MTAP: variants seen among roughly 807,000 people sequenced by gnomAD.
MTAP encodes the protein methylthioadenosine phosphorylase.
MTAP carries 33 observed loss-of-function variants against 33.6 expected under a neutral mutation model. That is an observed-to-expected ratio of 0.98 (90% confidence interval 0.74 to 1.31). The LOEUF is 1.31. MTAP is among the 40% of genes most tolerant of loss of function. The pLI, the probability that MTAP is intolerant of heterozygous loss-of-function variation, is 0.00. For synonymous variants in MTAP, 148 were observed against 125.7 expected (o/e 1.18, Z -1.19); for missense variants, 367 against 360.0 (o/e 1.02, Z -0.16).
rs769730832 is a variant in MTAP at position 21,899,921 on chromosome 9, C to G, written c.148-31087C>G. 3.2e-4 allele frequency among the ~76,000 whole-genome samples: 48 copies of G among 152,062 alleles called. 1 individual carries two copies. Among genetic ancestry groups the G allele is most frequent in the Admixed American group, 7.2e-4 (11 of 15,254 alleles). On this transcript the variant is annotated intron_variant, in intron 1 of 1. Coordinates refer to the MTAP transcript ENST00000577563. ...CTTTGACAAAGTTGACAAAAACAAGCAATGGGGAAAGGACTCCCTATTCAA... is the reference window on the plus strand; with the variant it reads ...CTTTGACAAAGTTGACAAAAACAAGGAATGGGGAAAGGACTCCCTATTCAA...
intron 1 of MTAP, chr9:21,930,956 C>G: frequency 1.4e-6 from 1 of 717,596 alleles, no homozygotes; most frequent in Admixed American, 1.9e-5. Context: ...CCTTTCAGTC[C>G]ATGTCTTCAA....
At chr9:21,802,835 C>A (rs1196571420) in intron 1 of MTAP, 54 bp downstream of exon 1, 2 of 1,605,894 alleles carry the variant, frequency 1.2e-6, no homozygotes, top group Admixed American at 1.7e-5. Context: ...GCCTTCTCGC[C>A]CCCGCGCCGG....
intron 1 of MTAP, among the ~76,000 whole-genome samples, chr9:21,876,174 T>C (rs1353503391): frequency 6.6e-6 from 1 of 152,242 alleles, no homozygotes; most frequent in African/African-American, 2.4e-5. Flanking sequence ...ATGTCTTCTT[T>C]AGAAAAGTGC....
chr9:21,887,877 G>A (rs913400660), intron 1 of MTAP, among the ~76,000 whole-genome samples: 1 of 152,034 alleles, frequency 6.6e-6, no homozygotes, highest in African/African-American at 2.4e-5. Context: ...GTTTTGTGTG[G>A]GGGGGTTGCA....
rs999293435 is a variant in MTAP, at chr9:21,862,232, CAT to C, written c.*219_*220del. On this transcript the variant is annotated 3_prime_UTR_variant, in exon 8 of 8. Transcript: ENST00000644715. ...AGAAGAAAAGCAAATGACTAGTAAA[CAT>C]GTGGGAAAAAATATTACATTTTAAG... The C allele has an allele frequency of 6.8e-5, 80 of 1,181,776 alleles. No individual in the cohort carries two copies. The highest frequency in any genetic ancestry group is 1.6e-4 in the African/African-American group (10 of 62,970). 73.2% of individuals were successfully genotyped at this position (1,181,776 alleles called of 1,614,324 possible).
At chr9:21,908,221 T>C (rs1291907372) in intron 1 of MTAP, among the ~76,000 whole-genome samples, 1 of 152,192 alleles carries the variant, frequency 6.6e-6, no homozygotes, top group Non-Finnish European at 1.5e-5. Context: ...TCATACAGTA[T>C]GTAACATTTT....
At chr9:21,807,993 G>T (rs1246373683) in intron 1 of MTAP, among the ~76,000 whole-genome samples, 1 of 152,204 alleles carries the variant, frequency 6.6e-6, no homozygotes, top group East Asian at 1.9e-4. Flanking sequence ...TGCCTCAAAA[G>T]CATCTAAAGC....
intron 7 of MTAP, 61 bp downstream of exon 7, chr9:21,859,486 A>C: frequency 6.6e-7 from 1 of 1,522,668 alleles, no homozygotes; most frequent in Non-Finnish European, 8.8e-7. Context: ...TTCTTTTCTT[A>C]CTTGCATTTC....
chr9:21,874,300 A>G (rs1278526912), intron 1 of MTAP, among the ~76,000 whole-genome samples: 1 of 152,224 alleles, frequency 6.6e-6, no homozygotes, highest in Non-Finnish European at 1.5e-5. Context: ...GATTTCATCT[A>G]TGAATATTTC....
At chr9:21,805,167 A>T (rs1408690734) in intron 1 of MTAP, among the ~76,000 whole-genome samples, 2 of 151,312 alleles carry the variant, frequency 1.3e-5, no homozygotes, top group Non-Finnish European at 2.9e-5. Context: ...TACTCCTTTA[A>T]TGTCAGCCCA....
chr9:21,865,341 C>T lies in MTAP; in HGVS notation c.*3327C>T, dbSNP rs141238345. ...GCCACGATTGTAAGTTTCCTGAGGC[C>T]TTCCCAGCTATGTGGAACTGTGAGT... On this transcript the variant is annotated 3_prime_UTR_variant, in exon 8 of 8. Transcript: ENST00000644715. The T allele has an allele frequency of 6.7e-4, 500 of 740,874 alleles. 1 individual carries two copies. In the African/African-American group the frequency reaches 8.6e-3, roughly 13 times the overall value. 45.9% of individuals were successfully genotyped at this position (740,874 alleles called of 1,614,324 possible).
In MTAP at chr9:21,864,983, GA is replaced by G. The variant is rs1377038895; in HGVS notation, c.*2972del. On this transcript the variant is annotated 3_prime_UTR_variant, in exon 8 of 8. Coordinates refer to ENST00000644715, the MANE Select transcript of MTAP (RefSeq NM_002451.4). ...AGCATTTAGCCAGCACTTATCCAGT[GA>G]AACAATTTGATAAGGTTTCAAGGAG... 14 of 985,318 alleles carry G rather than the reference GA, an allele frequency of 1.4e-5. No individual in the cohort carries two copies. Among genetic ancestry groups the G allele is most frequent in the Non-Finnish European group, 1.7e-5 (14 of 829,934 alleles). The allele number at this position is 985,318 out of a possible 1,614,324, so 61.0% of individuals were successfully genotyped here. A position where few individuals can be genotyped will look rare whatever the true frequency, so the allele number is the denominator to read the frequency against.
chr9:21,823,537 C>A (rs554594165), intron 4 of MTAP, among the ~76,000 whole-genome samples: 1 of 152,138 alleles, frequency 6.6e-6, no homozygotes. Flanking sequence ...CTCTGGCTGT[C>A]CTTAACATTT....
At chr9:21,817,078 A>G (rs1427732407) in intron 3 of MTAP, among the ~76,000 whole-genome samples, 1 of 152,194 alleles carries the variant, frequency 6.6e-6, no homozygotes, top group Non-Finnish European at 1.5e-5. Flanking sequence ...TTATAAAGAT[A>G]AAGAAAAACA....
intron 4 of MTAP, among the ~76,000 whole-genome samples, chr9:21,819,885 T>A (rs1563833015): frequency 6.6e-6 from 1 of 152,240 alleles, no homozygotes; most frequent in Non-Finnish European, 1.5e-5. Context: ...ATTTCTCTGA[T>A]GGCCAGTGAT....
chr9:21,809,437 A>C (rs1252731974), intron 1 of MTAP, among the ~76,000 whole-genome samples: 1 of 151,752 alleles, frequency 6.6e-6, no homozygotes, highest in South Asian at 2.1e-4. Context: ...CCGAAGATTG[A>C]GACCATCCTG....
At chr9:21,870,960 AG>A (rs1489167214), downstream of MTAP, among the ~76,000 whole-genome samples, 2 of 151,804 alleles carry the variant, frequency 1.3e-5, no homozygotes, top group Non-Finnish European at 2.9e-5. Context: ...CAGTAGAGAC[AG>A]GGTTTCACCA....
chr9:21,803,045 T>C, intron 1 of MTAP: 1 of 615,712 alleles, frequency 1.6e-6, no homozygotes, highest in Non-Finnish European at 2.1e-6. Context: ...CACCACCTTT[T>C]GGCTTATCTG....
downstream of MTAP, among the ~76,000 whole-genome samples, chr9:21,939,276 G>C (rs564361604): frequency 6.6e-6 from 1 of 152,274 alleles, no homozygotes; most frequent in South Asian, 2.1e-4. Context: ...TATCAGCAGT[G>C]TGAAAACGGA....
Sources: allele counts gnomAD v4.1 joint callset (sites outside exome capture counted in the v4.1 genomes callset), GRCh38; gene constraint gnomAD v4.1.1; transcripts MANE v1.5; gene names NCBI Gene and HGNC (gene_info 2026-07-23, HGNC 2026-07-21).